Variants in CDKN2B-AS1 observed in about 807,000 individuals in gnomAD.
CDKN2B-AS1 encodes the protein CDKN2B antisense RNA 1 (non-protein coding).
At chr9:22,009,143 G>A in intron 1 of CDKN2B-AS1, 2 of 749,770 alleles carry the variant, frequency 2.7e-6, no homozygotes, top group South Asian at 1.8e-5. Flanking sequence ...GCGGCCGGTC[G>A]TTAGCTCCGG....
intron 1 of CDKN2B-AS1, chr9:22,008,597 C>G (rs1042291365): frequency 2.7e-6 from 4 of 1,486,550 alleles, no homozygotes; most frequent in African/African-American, 1.4e-5. Flanking sequence ...CTAAAAAAAG[C>G]TTAAACAGTG....
chr9:22,097,964 C>A (rs571195725), intron 4 of CDKN2B-AS1, among the ~76,000 whole-genome samples: 1 of 152,284 alleles, frequency 6.6e-6, no homozygotes, highest in South Asian at 2.1e-4. Context: ...GCTTTTACGT[C>A]TTGCTGATAG....
At chr9:22,124,474 G>A (rs1343474263) in intron 4 of CDKN2B-AS1, among the ~76,000 whole-genome samples, 3 of 152,136 alleles carry the variant, frequency 2.0e-5, no homozygotes, top group Non-Finnish European at 2.9e-5. Flanking sequence ...TGGTCATTCC[G>A]GTAAGCAGCG....
intron 1 of CDKN2B-AS1, among the ~76,000 whole-genome samples, chr9:22,037,050 G>A (rs1041241427): frequency 6.6e-5 from 10 of 151,856 alleles, no homozygotes; most frequent in African/African-American, 1.9e-4. Flanking sequence ...GTCTGGTTTC[G>A]TCACTACGCT....
At chr9:22,067,115 A>G (rs1824075936) in intron 4 of CDKN2B-AS1, among the ~76,000 whole-genome samples, 1 of 152,126 alleles carries the variant, frequency 6.6e-6, no homozygotes, top group Non-Finnish European at 1.5e-5. Flanking sequence ...CCTAATGTAA[A>G]TGACGAGTTA....
chr9:22,115,558 ACTT>A (rs1825927767), intron 4 of CDKN2B-AS1, among the ~76,000 whole-genome samples: 1 of 152,044 alleles, frequency 6.6e-6, no homozygotes, highest in Non-Finnish European at 1.5e-5. Context: ...TCTTCTCAAA[ACTT>A]CACATTCCTT....
At chr9:22,020,990 G>A (rs543441764) in intron 1 of CDKN2B-AS1, among the ~76,000 whole-genome samples, 2 of 152,230 alleles carry the variant, frequency 1.3e-5, no homozygotes, top group East Asian at 3.9e-4. Flanking sequence ...CTGTCTTCCA[G>A]GGTTTTGATA....
chr9:22,082,627 C>G (rs1824736991), intron 4 of CDKN2B-AS1, among the ~76,000 whole-genome samples: 1 of 152,146 alleles, frequency 6.6e-6, no homozygotes, highest in Non-Finnish European at 1.5e-5. Flanking sequence ...GCTTTAAGTA[C>G]TGGCTAGGAA....
chr9:22,089,133 A>G lies in CDKN2B-AS1; in HGVS notation n.438+32746A>G, dbSNP rs991987354. 3.9e-5 allele frequency among the ~76,000 whole-genome samples: 6 copies of G among 152,346 alleles called. No individual in the cohort carries two copies. In the East Asian group the frequency reaches 1.2e-3, roughly 29 times the overall value. ...AAATAATTTTTCCTTTAAAAGGCAC[A>G]GGATGAGCAACAAGATTAGGTAGAT... On this transcript the variant is annotated intron_variant and non_coding_transcript_variant, in intron 4 of 4. Transcript: ENST00000650946.
At chr9:22,110,492 C>G (rs1252334499) in intron 4 of CDKN2B-AS1, among the ~76,000 whole-genome samples, 1 of 152,074 alleles carries the variant, frequency 6.6e-6, no homozygotes, top group East Asian at 1.9e-4. Flanking sequence ...GCAAGTGTTA[C>G]AAATATCTGC....
chr9:22,040,973 A>G (rs1479971568), intron 1 of CDKN2B-AS1, among the ~76,000 whole-genome samples: 1 of 152,004 alleles, frequency 6.6e-6, no homozygotes, highest in Admixed American at 6.6e-5. Context: ...CATTCATTAT[A>G]CTATTGCTCA....
At chr9:22,118,283 G>A (rs1563992290) in intron 4 of CDKN2B-AS1, 1 of 151,330 alleles carries the variant, frequency 6.6e-6, no homozygotes, top group Admixed American at 6.6e-5. Context: ...GAGAGAGAAA[G>A]AGAGACACAC....
At position 22,071,285 on chromosome 9, in the gene CDKN2B-AS1, C is replaced by CTTTTT. The variant is rs71336509; in HGVS notation, n.438+14925_438+14929dup. Among the ~76,000 whole-genome samples the CTTTTT allele has an allele frequency of 5.5e-4, 37 of 67,578 alleles. 3 individuals are homozygous for CTTTTT. Among genetic ancestry groups the CTTTTT allele is most frequent in the African/African-American group, 2.2e-3 (31 of 14,206 alleles). The allele number at this position is 67,578 out of a possible 152,430, so 44.3% of individuals were successfully genotyped here. A position where few individuals can be genotyped will look rare whatever the true frequency, so the allele number is the denominator to read the frequency against. On this transcript the variant is annotated intron_variant and non_coding_transcript_variant, in intron 4 of 4. Transcript: ENST00000650946. ...AGAGGCCAGGCTTAGAAATATCTAG[C>CTTTTT]TTTTTTTTTTTTTTTTTTTTTTTTT...
chr9:22,057,139 A>C (rs1823605855), intron 4 of CDKN2B-AS1, among the ~76,000 whole-genome samples: 1 of 152,160 alleles, frequency 6.6e-6, no homozygotes, highest in Admixed American at 6.5e-5. Context: ...ATTTTGATAA[A>C]AATAAATATT....
intron 4 of CDKN2B-AS1, among the ~76,000 whole-genome samples, chr9:22,079,823 G>A (rs1824634421): frequency 6.6e-6 from 1 of 152,082 alleles, no homozygotes; most frequent in South Asian, 2.1e-4. Flanking sequence ...TAATCTTCTT[G>A]TGTTCATCTA....
At chr9:22,069,794 C>T (rs895140069) in intron 4 of CDKN2B-AS1, among the ~76,000 whole-genome samples, 16 of 152,068 alleles carry the variant, frequency 1.1e-4, no homozygotes, top group Admixed American at 2.6e-4. Context: ...TTGTACCTGT[C>T]GACCAGCCTC....
At chr9:22,095,710 T>TGTGTGGGAGTCTAAGTCTCC (rs1156944781) in intron 4 of CDKN2B-AS1, among the ~76,000 whole-genome samples, 1 of 146,738 alleles carries the variant, frequency 6.8e-6, no homozygotes, top group Non-Finnish European at 1.5e-5. Flanking sequence ...CTATTATTAT[T>TGTGTGGGAGTCTAAGTCTCC]GTGTGGGAGT....
intron 4 of CDKN2B-AS1, among the ~76,000 whole-genome samples, chr9:22,073,416 C>T (rs1160162618): frequency 6.6e-6 from 1 of 152,080 alleles, no homozygotes; most frequent in African/African-American, 2.4e-5. Context: ...TAGCAAAAAT[C>T]CCCTAGCATT....
At chr9:22,046,639 C>T (rs1173825290) in intron 1 of CDKN2B-AS1, 2 of 152,106 alleles carry the variant, frequency 1.3e-5, no homozygotes, top group African/African-American at 4.8e-5. Flanking sequence ...CATACACTAT[C>T]CAAGGTGATA....
Sources: allele counts gnomAD v4.1 joint callset (sites outside exome capture counted in the v4.1 genomes callset), GRCh38; gene constraint gnomAD v4.1.1; transcripts MANE v1.5; gene names NCBI Gene and HGNC (gene_info 2026-07-23, HGNC 2026-07-21).